The following RGSL1 variants were observed in gnomAD, a reference collection of about 807,000 sequenced individuals.
RGSL1 encodes the protein regulator of G protein signaling protein-like.
In RGSL1, 97 loss-of-function variants were observed where a neutral mutation model predicts 124.7. That is an observed-to-expected ratio of 0.78 (90% CI 0.66 to 0.92). RGSL1 has a LOEUF of 0.92. Among genes scored for constraint, RGSL1 ranks in the 40% least tolerant of loss-of-function variants. The probability of loss-of-function intolerance (pLI) is 0.00; values close to 1 mark genes in which losing one functional copy is unlikely to be tolerated. For missense variants in RGSL1, 1,233 were observed against 1,288.4 expected (o/e 0.96, Z 0.66); for synonymous variants, 424 against 438.1 (o/e 0.97, Z 0.40).
At chr1:182,457,015 C>T (rs1002893418) in intron 2 of RGSL1, among the ~76,000 whole-genome samples, 4 of 152,022 alleles carry the variant, frequency 2.6e-5, no homozygotes, top group East Asian at 1.9e-4. Flanking sequence ...GGTATGGTGG[C>T]GCATGCCTGT....
chr1:182,460,238 G>C, intron 4 of RGSL1, 105 bp downstream of exon 4: 1 of 1,380,726 alleles, frequency 7.2e-7, no homozygotes, highest in Non-Finnish European at 9.6e-7. Flanking sequence ...ATGTGTGTGT[G>C]TGTGTGTGTA....
At chr1:182,515,191 T>C (rs1657771510) in intron 9 of RGSL1, among the ~76,000 whole-genome samples, 1 of 152,274 alleles carries the variant, frequency 6.6e-6, no homozygotes, top group East Asian at 1.9e-4. Context: ...TATGCCTCCA[T>C]CCCGCTACTG....
chr1:182,531,457 A>C (rs148857893), intron 13 of RGSL1, among the ~76,000 whole-genome samples: 1 of 152,302 alleles, frequency 6.6e-6, no homozygotes, highest in Non-Finnish European at 1.5e-5. Context: ...TGAGAAAAAC[A>C]ACAACAAAAA....
rs190399193 is a variant in RGSL1, at chr1:182,551,224, G to A, written c.3043+15G>A. On this transcript the variant is annotated intron_variant, in intron 18 of 21. Coordinates refer to ENST00000294854, the MANE Select transcript of RGSL1 (RefSeq NM_001137669.2). ...CTCGAGTGGAGGTAAGCTCCACCAC[G>A]ACTCACAGCCCCATTCTCCAGCAAC... The A allele has an allele frequency of 1.4e-3, 2,078 of 1,525,400 alleles. 25 individuals carry two copies. The African/African-American group carries it at 0.025, about 18-fold the overall frequency. The allele number at this position is 1,525,400 out of a possible 1,614,324, so 94.5% of individuals were successfully genotyped here. A position where few individuals can be genotyped will look rare whatever the true frequency, so the allele number is the denominator to read the frequency against.
At chr1:182,514,612 G>C (rs1657720824) in intron 9 of RGSL1, among the ~76,000 whole-genome samples, 1 of 152,208 alleles carries the variant, frequency 6.6e-6, no homozygotes, top group Non-Finnish European at 1.5e-5. Flanking sequence ...TTCAAGTCCT[G>C]TAGAGAGAAG....
chr1:182,519,856 AGTT>A (rs1341327157), intron 9 of RGSL1, among the ~76,000 whole-genome samples: 1 of 152,028 alleles, frequency 6.6e-6, no homozygotes, highest in South Asian at 2.1e-4. Context: ...CTCATCTACT[AGTT>A]GTTACTTTTC....
chr1:182,508,679 T>TG (rs1023119099), intron 9 of RGSL1, among the ~76,000 whole-genome samples: 3 of 144,818 alleles, frequency 2.1e-5, no homozygotes, highest in Admixed American at 1.3e-4. Flanking sequence ...TTTGTTTTTT[T>TG]TTTTTTTTTT....
intron 9 of RGSL1, among the ~76,000 whole-genome samples, chr1:182,499,389 T>G (rs1656181999): frequency 6.6e-6 from 1 of 152,236 alleles, no homozygotes; most frequent in South Asian, 2.1e-4. Context: ...TTTAGGATAG[T>G]TAAGTCTTGT....
chr1:182,547,535 A>G (rs1219611916), intron 15 of RGSL1, among the ~76,000 whole-genome samples: 1 of 152,144 alleles, frequency 6.6e-6, no homozygotes, highest in African/African-American at 2.4e-5. Context: ...TATTAAAAAC[A>G]TAAACCAGAC....
At chr1:182,509,342 G>A (rs1379475333) in intron 9 of RGSL1, among the ~76,000 whole-genome samples, 1 of 36,678 alleles carries the variant, frequency 2.7e-5, no homozygotes, top group Non-Finnish European at 7.9e-5. Context: ...CTCCCGGACG[G>A]GGCGGCTGGC....
chr1:182,453,898 C>A, intron 1 of RGSL1, 60 bp from the exon 2 acceptor site: 2 of 904,732 alleles, frequency 2.2e-6, no homozygotes, highest in Non-Finnish European at 3.5e-6. Flanking sequence ...GCTTCATTTT[C>A]TGAACCTGAA....
intron 6 of RGSL1, among the ~76,000 whole-genome samples, chr1:182,478,847 A>C (rs1654486758): frequency 6.6e-6 from 1 of 152,198 alleles, no homozygotes; most frequent in Admixed American, 6.5e-5. Flanking sequence ...GGGAAACGTG[A>C]CTTGTAATAT....
Position 182,450,150 on chromosome 1 carries a change from G to A in RGSL1, c.-16G>A, listed in dbSNP as rs1000940589. 3 of 1,552,004 alleles carry A rather than the reference G, an allele frequency of 1.9e-6. No homozygotes were observed. On this transcript the variant is annotated 5_prime_UTR_variant, in exon 1 of 22. Transcript: ENST00000294854. Reference sequence around the variant, plus strand: ...CTGCCCCTAACAAATTACTGTGTCAGGAAGAGCATGGCAACATGAGCAGTG... The same window carrying A: ...CTGCCCCTAACAAATTACTGTGTCAAGAAGAGCATGGCAACATGAGCAGTG...
At chr1:182,533,368 G>GT (rs1659324380) in intron 14 of RGSL1, among the ~76,000 whole-genome samples, 1 of 138,768 alleles carries the variant, frequency 7.2e-6, no homozygotes, top group Non-Finnish European at 1.5e-5. Flanking sequence ...TATCTGCCTT[G>GT]TTTTTGACTG....
chr1:182,457,951 A>G (rs1292495351), intron 2 of RGSL1, among the ~76,000 whole-genome samples: 3 of 152,224 alleles, frequency 2.0e-5, no homozygotes, highest in African/African-American at 4.8e-5. Context: ...AACATTTTAG[A>G]CATTTGCTAA....
At chr1:182,529,756 T>A (rs762991331) in intron 11 of RGSL1, among the ~76,000 whole-genome samples, 12 of 152,212 alleles carry the variant, frequency 7.9e-5, no homozygotes, top group Non-Finnish European at 1.5e-4. Context: ...ATATTTTGAA[T>A]GAGCTAGAAG....
intron 5 of RGSL1, among the ~76,000 whole-genome samples, chr1:182,473,027 G>T (rs1653978482): frequency 6.6e-6 from 1 of 152,080 alleles, no homozygotes; most frequent in Non-Finnish European, 1.5e-5. Context: ...ATAAAAATTT[G>T]CCAACTTCTT....
At chr1:182,515,080 C>T (rs923828876) in intron 9 of RGSL1, among the ~76,000 whole-genome samples, 18 of 152,154 alleles carry the variant, frequency 1.2e-4, no homozygotes, top group Non-Finnish European at 1.8e-4. Flanking sequence ...TTTTCATCCC[C>T]GAGTCCCAGC....
intron 9 of RGSL1, among the ~76,000 whole-genome samples, chr1:182,495,117 A>G (rs1490390978): frequency 2.0e-5 from 3 of 152,152 alleles, no homozygotes; most frequent in Non-Finnish European, 4.4e-5. Context: ...GCTGGCTTTT[A>G]TTAGGGATGT....
Sources: allele counts gnomAD v4.1 joint callset (sites outside exome capture counted in the v4.1 genomes callset), GRCh38; gene constraint gnomAD v4.1.1; transcripts MANE v1.5; gene names NCBI Gene and HGNC (gene_info 2026-07-23, HGNC 2026-07-21).